CRTC1: variants seen among roughly 807,000 people sequenced by gnomAD.
CRTC1 encodes CREB-regulated transcription coactivator 1.
Under a neutral mutation model 66.1 loss-of-function variants are expected in CRTC1, and 18 were observed. The ratio of observed to expected loss-of-function variants is 0.27; its 90% CI spans 0.19 to 0.40. CRTC1 has a LOEUF of 0.40. Ranked by LOEUF, CRTC1 falls within the 10% of genes least tolerant of loss-of-function variation. The pLI is 1.00. For missense variants in CRTC1, 669 were observed against 887.9 expected (o/e 0.75, Z 3.13); for synonymous variants, 416 against 398.8 (o/e 1.04, Z -0.51).
intron 1 of CRTC1, among the ~76,000 whole-genome samples, chr19:18,713,650 C>G (rs2053441665): frequency 6.6e-6 from 1 of 152,264 alleles, no homozygotes; most frequent in Non-Finnish European, 1.5e-5. Context: ...GCCAGGCTCA[C>G]CGCCGGTTGG....
chr19:18,703,720 C>T (rs921304372), intron 1 of CRTC1, among the ~76,000 whole-genome samples: 2 of 152,128 alleles, frequency 1.3e-5, no homozygotes, highest in Admixed American at 1.3e-4. Flanking sequence ...GCCTTGGCCT[C>T]CCAAAGTGCT....
At chr19:18,730,610 CCCTGTGT>C in intron 1 of CRTC1, among the ~76,000 whole-genome samples, 1 of 152,244 alleles carries the variant, frequency 6.6e-6, no homozygotes, top group Non-Finnish European at 1.5e-5. Flanking sequence ...GGTCTCTGCT[CCCTGTGT>C]CCAGCCTCCA....
At chr19:18,759,656 A>G in intron 7 of CRTC1, 65 bp downstream of exon 7, 2 of 1,554,580 alleles carry the variant, frequency 1.3e-6, no homozygotes, top group Admixed American at 1.7e-5. Context: ...ACCCTGGGGC[A>G]TTCTGTCCAC....
In CRTC1 at chr19:18,768,766, G is replaced by T; in HGVS notation, c.1293G>T (p.Gln431His). ...AGTCCCCCCCAGAGAACCCTGGCCA[G>T]CCATCGATGGGGATCGACATCGCCT... is the stretch of plus-strand genomic sequence containing the variant. Reference protein sequence around the residue: ...LPQSPPENPGQPSMGIDIASA... With the variant: ...LPQSPPENPGHPSMGIDIASA... Residue 431 changes from glutamine to histidine, a missense_variant, in exon 10 of 14, where the codon CAG becomes CAT. Coordinates refer to ENST00000321949, the MANE Select transcript of CRTC1 (RefSeq NM_015321.3). The surrounding 1 kb of genome is among the most constrained non-coding windows in gnomAD (Gnocchi z 5.6). The T allele has an allele frequency of 6.2e-7, 1 of 1,602,680 alleles. No individual in the cohort carries two copies. The highest frequency in any genetic ancestry group is 1.3e-5 in the African/African-American group (1 of 74,602).
chr19:18,750,683 A>G (rs931658806), intron 5 of CRTC1, among the ~76,000 whole-genome samples: 1 of 152,232 alleles, frequency 6.6e-6, no homozygotes, highest in Non-Finnish European at 1.5e-5. Flanking sequence ...TGGGTGGTTA[A>G]CACGCAAGGG....
intron 1 of CRTC1, among the ~76,000 whole-genome samples, chr19:18,692,147 G>A (rs1200630211): frequency 6.7e-6 from 1 of 149,130 alleles, no homozygotes; most frequent in Non-Finnish European, 1.5e-5. Flanking sequence ...CCAGTGTAGA[G>A]CAAGGGCCCC....
chr19:18,714,384 T>G (rs1319046089), intron 1 of CRTC1, among the ~76,000 whole-genome samples: 3 of 152,218 alleles, frequency 2.0e-5, no homozygotes, highest in Non-Finnish European at 4.4e-5. Flanking sequence ...CTTGGCTCAC[T>G]GCAACCTCCG....
chr19:18,701,922 GT>G (rs1173804936), intron 1 of CRTC1, among the ~76,000 whole-genome samples: 2,726 of 114,006 alleles, frequency 0.024, 21 homozygotes, highest in Middle Eastern at 0.057. Flanking sequence ...CCACCGTTTT[GT>G]TTTTTTTTTT....
At chr19:18,742,856 T>G in intron 1 of CRTC1, 54 bp from the exon 2 acceptor site, 1 of 1,348,650 alleles carries the variant, frequency 7.4e-7, no homozygotes, top group Non-Finnish European at 1.1e-6. Context: ...GCTGGCACTC[T>G]GAGGTGAGCC....
intron 1 of CRTC1, among the ~76,000 whole-genome samples, chr19:18,717,466 C>T (rs1473995243): frequency 6.6e-6 from 1 of 152,088 alleles, no homozygotes; most frequent in Non-Finnish European, 1.5e-5. Context: ...AGGGGCCAGT[C>T]CCTCCCCTCT....
chr19:18,706,837 C>T (rs1371950168), intron 1 of CRTC1, among the ~76,000 whole-genome samples: 10 of 151,886 alleles, frequency 6.6e-5, no homozygotes, highest in Admixed American at 1.3e-4. Flanking sequence ...TGTTTTTTAG[C>T]GCTTTTTAGT....
At chr19:18,732,358 G>A (rs1300043817) in intron 1 of CRTC1, among the ~76,000 whole-genome samples, 2 of 152,050 alleles carry the variant, frequency 1.3e-5, no homozygotes, top group African/African-American at 4.8e-5. Flanking sequence ...GAGGCCATTC[G>A]AGGACTCAGA....
At chr19:18,723,731 A>G (rs1169907870) in intron 1 of CRTC1, among the ~76,000 whole-genome samples, 1 of 152,126 alleles carries the variant, frequency 6.6e-6, no homozygotes, top group African/African-American at 2.4e-5. Context: ...AGCCTTAGCT[A>G]TGTGTTTCGA....
chr19:18,687,367 CCAGGGTGTGAGCTTTGCACCTGGT>C, intron 1 of CRTC1, among the ~76,000 whole-genome samples: 1 of 152,190 alleles, frequency 6.6e-6, no homozygotes, highest in South Asian at 2.1e-4. Context: ...GTGAGGTGGG[CCAGGGTGTGAGCTTTGCACCTGGT>C]CAGGTAGAGT....
At position 18,760,239 on chromosome 19, in the gene CRTC1, G is replaced by A; in HGVS notation, c.886+11G>A. On this transcript the variant is annotated intron_variant, in intron 8 of 13. Coordinates refer to ENST00000321949, the MANE Select transcript of CRTC1 (RefSeq NM_015321.3). This position sits in a 1 kb window ranked among gnomAD's most constrained non-coding sequence, Gnocchi z 6.2. ...GTGGCGCCGGCCAGGGTAAGGCAGG[G>A]ACACTCCGCCCTCGGACAGAGCACT... 1.3e-6 allele frequency: 2 copies of A among 1,576,452 alleles called. No individual in the cohort carries two copies. The highest frequency in any genetic ancestry group is 1.7e-6 in the Non-Finnish European group (2 of 1,161,992).
chr19:18,714,199 C>T lies in CRTC1; in HGVS notation c.127-28711C>T, dbSNP rs534648499. ...CCCCAGAAATCAGGAATCAGAATAG[C>T]TCCATTTGCAGGAAGACATCACAGC... On this transcript the variant is annotated intron_variant, in intron 1 of 13. Coordinates refer to ENST00000321949, the MANE Select transcript of CRTC1 (RefSeq NM_015321.3). Among the ~76,000 whole-genome samples, 89 of 152,338 alleles carry T rather than the reference C, an allele frequency of 5.8e-4. 1 individual carries two copies. Among genetic ancestry groups the T allele is most frequent in the African/African-American group, 2.1e-3 (89 of 41,582 alleles).
In CRTC1 at chr19:18,683,683, GA is replaced by G; in HGVS notation, c.-19del. 7.2e-7 allele frequency: 1 copy of G among 1,387,184 alleles called. No individual in the cohort carries two copies. 85.9% of individuals were successfully genotyped at this position (1,387,184 alleles called of 1,614,324 possible). A position where few individuals can be genotyped will look rare whatever the true frequency, so the allele number is the denominator to read the frequency against. On this transcript the variant is annotated 5_prime_UTR_variant, in exon 1 of 14. Coordinates refer to ENST00000321949, the MANE Select transcript of CRTC1 (RefSeq NM_015321.3). ...GGAGGTGGAGGAGGAGGAGGAGGAG[GA>G]GGAGGTGGCGGCGAGAAGATGGCGA...
intron 5 of CRTC1, among the ~76,000 whole-genome samples, chr19:18,751,080 C>G (rs1377856407): frequency 6.6e-6 from 1 of 152,154 alleles, no homozygotes; most frequent in Admixed American, 6.5e-5. Flanking sequence ...CTCCTCGGAG[C>G]GCCTGAGGTG....
chr19:18,743,156 C>G, intron 2 of CRTC1, 130 bp downstream of exon 2: 1 of 733,482 alleles, frequency 1.4e-6, no homozygotes, highest in Non-Finnish European at 2.3e-6. Flanking sequence ...CTGCCTTCTC[C>G]TTGTCTGCCC....
Sources: gnomAD v4.1 joint callset for allele counts (sites outside exome capture counted in the v4.1 genomes callset) on GRCh38, gnomAD v4.1.1 for gene constraint, Gnocchi (gnomAD v3.1) non-coding constraint, MANE v1.5 for transcripts, NCBI Gene and HGNC (gene_info 2026-07-23, HGNC 2026-07-21) for gene names.